PPFIBP2: variants seen among roughly 807,000 people sequenced by gnomAD.
The protein encoded by PPFIBP2 is PPFIB scaffold protein 2, also known as liprin-beta-2.
In PPFIBP2, 118 loss-of-function variants were observed where a neutral mutation model predicts 118.3. The ratio of observed to expected loss-of-function variants is 1.00; its 90% CI spans 0.86 to 1.16. PPFIBP2 has a LOEUF of 1.16. Ranked by LOEUF, PPFIBP2 falls within the 50% of genes most tolerant of loss-of-function variation. PPFIBP2 has a pLI of 0.00. For missense variants in PPFIBP2, 1,195 were observed against 1,073.1 expected (o/e 1.11, Z -1.59); for synonymous variants, 414 against 397.4 (o/e 1.04, Z -0.50).
chr11:7,586,259 C>T (rs529729088), intron 3 of PPFIBP2, among the ~76,000 whole-genome samples: 1 of 152,254 alleles, frequency 6.6e-6, no homozygotes. Context: ...AGAAATATTG[C>T]CCCTGTTGTT....
chr11:7,653,152 C>G lies in PPFIBP2; in HGVS notation c.2565C>G (p.Tyr855Ter). The G allele has an allele frequency of 6.2e-7, 1 of 1,612,816 alleles. No individual in the cohort carries two copies. Among genetic ancestry groups the G allele is most frequent in the Non-Finnish European group, 8.5e-7 (1 of 1,179,892 alleles). Residue 855 changes from tyrosine to a stop codon, truncating the protein, a stop_gained, in exon 24 of 24, where the codon TAC becomes TAG. Transcript: ENST00000299492. LOFTEE classifies it high-confidence loss of function. ...ATAGTCACAGGGTCTACAGTGGCTACCGGGGCCTCAGCCCCCTTGATGCCC... is the reference window on the plus strand; with the variant it reads ...ATAGTCACAGGGTCTACAGTGGCTAGCGGGGCCTCAGCCCCCTTGATGCCC... The part of the protein sequence containing the change: ...VSDSHRVYSG[Y>*]RGLSPLDAPE...
chr11:7,666,476 C>T, the PPFIBP2 span: 1 of 1,612,932 alleles, frequency 6.2e-7, no homozygotes, highest in Non-Finnish European at 8.5e-7. Flanking sequence ...CCAGGGTGTA[C>T]CACAGGTTGA....
intron 3 of PPFIBP2, 89 bp downstream of exon 3, chr11:7,565,856 C>T: frequency 1.5e-6 from 2 of 1,367,758 alleles, no homozygotes; most frequent in Non-Finnish European, 1.0e-6. Flanking sequence ...GCTGTTGAGT[C>T]ATCTGTATAC....
At chr11:7,536,395 G>A (rs1276962977) in intron 1 of PPFIBP2, among the ~76,000 whole-genome samples, 1 of 152,196 alleles carries the variant, frequency 6.6e-6, no homozygotes, top group Non-Finnish European at 1.5e-5. Context: ...ACAGTAGGGT[G>A]CAGGGTCAAA....
downstream of PPFIBP2, chr11:7,656,848 C>A: frequency 1.6e-6 from 2 of 1,259,764 alleles, no homozygotes; most frequent in Non-Finnish European, 2.1e-6. Flanking sequence ...GGCCCCGGAG[C>A]CTTTGCTTCT....
chr11:7,525,406 A>G lies in PPFIBP2; in HGVS notation c.-37+11285A>G, dbSNP rs546124163. Among the ~76,000 whole-genome samples, 11 of 152,088 alleles carry G rather than the reference A, an allele frequency of 7.2e-5. No individual in the cohort carries two copies. The South Asian group carries it at 2.3e-3, about 32-fold the overall frequency. ...AAATCCTTTTATTCCCGTCTCAGGA[A>G]GCTTGAGAGAAATCATTTATCAAGA... On this transcript the variant is annotated intron_variant, in intron 1 of 23. Coordinates refer to ENST00000299492, the MANE Select transcript of PPFIBP2 (RefSeq NM_003621.5).
chr11:7,547,002 T>C (rs914255282), intron 1 of PPFIBP2, among the ~76,000 whole-genome samples: 19 of 152,226 alleles, frequency 1.2e-4, no homozygotes, highest in African/African-American at 4.6e-4. Flanking sequence ...ATCTGTCCAT[T>C]TATTCATAAG....
At chr11:7,665,461 C>T in the PPFIBP2 span, 441 of 1,613,930 alleles carry the variant, frequency 2.7e-4, no homozygotes, top group Non-Finnish European at 3.6e-4. Context: ...GCGGGCCACA[C>T]ACCAGGATGA....
intron 1 of PPFIBP2, among the ~76,000 whole-genome samples, chr11:7,532,596 T>G (rs767833367): frequency 6.6e-6 from 1 of 152,134 alleles, no homozygotes; most frequent in Non-Finnish European, 1.5e-5. Flanking sequence ...GCAGCAGTAG[T>G]TTCTGTGCAG....
At chr11:7,570,683 G>T (rs1343091314) in intron 3 of PPFIBP2, among the ~76,000 whole-genome samples, 2 of 152,120 alleles carry the variant, frequency 1.3e-5, no homozygotes, top group East Asian at 1.9e-4. Context: ...TCTTTGCAAG[G>T]TCTCAAGAGT....
chr11:7,664,514 C>T, the PPFIBP2 span, among the ~76,000 whole-genome samples: 1 of 152,194 alleles, frequency 6.6e-6, no homozygotes, highest in African/African-American at 2.4e-5. Flanking sequence ...GGTAGATGCA[C>T]CCCTTCTGTA....
At chr11:7,593,358 A>G in intron 4 of PPFIBP2, 134 bp downstream of exon 4, 1 of 1,317,390 alleles carries the variant, frequency 7.6e-7, no homozygotes. Flanking sequence ...TTTAGAAAAG[A>G]CTTTTCCTGA....
chr11:7,557,605 C>T (rs58774914), intron 2 of PPFIBP2, among the ~76,000 whole-genome samples: 25 of 151,672 alleles, frequency 1.6e-4, no homozygotes, highest in African/African-American at 6.1e-4. Flanking sequence ...AATTCTCAGC[C>T]TCCTGAGTAA....
chr11:7,633,976 A>T (rs1351122783), intron 12 of PPFIBP2, among the ~76,000 whole-genome samples: 1 of 152,182 alleles, frequency 6.6e-6, no homozygotes, highest in African/African-American at 2.4e-5. Context: ...AGAGAGCCAG[A>T]TGAGTCTGAG....
At chr11:7,649,502 T>C (rs763189632) in intron 20 of PPFIBP2, 30 bp from the exon 21 acceptor site, 1 of 1,613,656 alleles carries the variant, frequency 6.2e-7, no homozygotes, top group Non-Finnish European at 8.5e-7. Flanking sequence ...TTGGAAACTC[T>C]GGTTTATAAA....
intron 3 of PPFIBP2, among the ~76,000 whole-genome samples, chr11:7,587,673 T>G (rs972520274): frequency 6.6e-6 from 1 of 152,184 alleles, no homozygotes; most frequent in Non-Finnish European, 1.5e-5. Flanking sequence ...GCAAACCAGC[T>G]TTTTCCACGT....
At chr11:7,610,100 G>T (rs1247954945) in intron 5 of PPFIBP2, among the ~76,000 whole-genome samples, 191 bp from the exon 6 acceptor site, 1 of 152,154 alleles carries the variant, frequency 6.6e-6, no homozygotes, top group Admixed American at 6.5e-5. Context: ...GGTATTGGGG[G>T]TGCGCTATCC....
intron 7 of PPFIBP2, among the ~76,000 whole-genome samples, chr11:7,624,383 C>T (rs1389138972): frequency 3.3e-5 from 5 of 152,210 alleles, no homozygotes; most frequent in African/African-American, 9.7e-5. Context: ...GCAGTGAGCA[C>T]GGGGGCTGAT....
intron 22 of PPFIBP2, 102 bp downstream of exon 22, chr11:7,651,067 G>A: frequency 1.6e-6 from 2 of 1,254,250 alleles, no homozygotes; most frequent in Non-Finnish European, 2.2e-6. Flanking sequence ...AAAAAAATAG[G>A]TACTTCATCT....
Sources: gnomAD v4.1 joint callset for allele counts (sites outside exome capture counted in the v4.1 genomes callset) on GRCh38, gnomAD v4.1.1 for gene constraint, MANE v1.5 for transcripts, NCBI Gene and HGNC (gene_info 2026-07-23, HGNC 2026-07-21) for gene names.